Variants in EPB41L3 observed in about 807,000 individuals in gnomAD.
EPB41L3 encodes band 4.1-like protein 3.
A neutral mutation model predicts 127.1 loss-of-function variants in EPB41L3; 57 were observed. The observed-to-expected ratio is 0.45, with a 90% CI of 0.36 to 0.56. EPB41L3 has a LOEUF of 0.56. EPB41L3 is among the 20% of genes least tolerant of loss of function. The pLI is 0.00. For missense variants in EPB41L3, 1,273 were observed against 1,372.2 expected (o/e 0.93, Z 1.14); for synonymous variants, 572 against 549.5 (o/e 1.04, Z -0.57).
In EPB41L3 at chr18:5,543,883, G is replaced by A; in HGVS notation, c.-12+30C>T. The A allele has an allele frequency of 1.0e-6, 1 of 985,588 alleles. No individual in the cohort carries two copies. Among genetic ancestry groups the A allele is most frequent in the Non-Finnish European group, 1.2e-6 (1 of 830,044 alleles). The allele number at this position is 985,588 out of a possible 1,614,324, so 61.1% of individuals were successfully genotyped here. A position where few individuals can be genotyped will look rare whatever the true frequency, so the allele number is the denominator to read the frequency against. ...CTCGTAAAGCCGAGACCCCCTCGCA[G>A]TCCCCCACTCCGAGAGGCGGAAAAG... is the stretch of plus-strand genomic sequence containing the variant. On this transcript the variant is annotated intron_variant, in intron 1 of 22. Coordinates refer to ENST00000341928, the MANE Select transcript of EPB41L3 (RefSeq NM_012307.5). This position sits in a 1 kb window ranked among gnomAD's most constrained non-coding sequence, Gnocchi z 5.2.
chr18:5,393,441 G>T lies in EPB41L3; in HGVS notation c.*44C>A. On this transcript the variant is annotated 3_prime_UTR_variant, in exon 23 of 23. Coordinates refer to ENST00000341928, the MANE Select transcript of EPB41L3 (RefSeq NM_012307.5). Reference sequence around the variant, plus strand: ...CATATAGGCTCTGGTTTTCCTAACGGTTTGCATGACTGCATTCATGTGCAA... The same window carrying T: ...CATATAGGCTCTGGTTTTCCTAACGTTTTGCATGACTGCATTCATGTGCAA... 1.4e-6 allele frequency: 1 copy of T among 700,048 alleles called. No homozygotes were observed. 43.4% of individuals were successfully genotyped at this position (700,048 alleles called of 1,614,324 possible).
intron 11 of EPB41L3, among the ~76,000 whole-genome samples, chr18:5,422,956 T>G (rs2077662633): frequency 6.6e-6 from 1 of 152,188 alleles, no homozygotes; most frequent in Non-Finnish European, 1.5e-5. Context: ...ACTTTATTCA[T>G]AAAGATTTTT....
chr18:5,477,224 A>G (rs1346457560), intron 3 of EPB41L3, among the ~76,000 whole-genome samples: 1 of 152,130 alleles, frequency 6.6e-6, no homozygotes, highest in African/African-American at 2.4e-5. Flanking sequence ...GGAACATGGG[A>G]AATAGGTGGG....
intron 1 of EPB41L3, among the ~76,000 whole-genome samples, chr18:5,524,747 G>A (rs1292971692): frequency 6.6e-6 from 1 of 152,158 alleles, no homozygotes; most frequent in East Asian, 1.9e-4. Context: ...TCCATCCATG[G>A]GGAATGTTTC....
In EPB41L3 at chr18:5,584,211, C is replaced by G. The variant is rs77333310; in HGVS notation, c.-306+28129G>C. Among the ~76,000 whole-genome samples the G allele has an allele frequency of 3.6e-3, 544 of 152,324 alleles. 2 individuals are homozygous for G. Among genetic ancestry groups the G allele is most frequent in the African/African-American group, 0.012 (514 of 41,564 alleles). On this transcript the variant is annotated intron_variant, in intron 3 of 21. Transcript: ENST00000545076. The stretch of plus-strand genomic sequence containing the variant: ...ACTGGATATAAGAGCACAGCCAAGA[C>G]AGCCAATAGCTGGGTCCTTTACCTC...
Position 5,393,475 on chromosome 18 carries a change from A to G in EPB41L3, c.*10T>C. Reference sequence around the variant, plus strand: ...ACTGCATTCATGTGCAAGCTAAGTTATTCCTGCAAAAAAGACATTTGATTA... The same window carrying G: ...ACTGCATTCATGTGCAAGCTAAGTTGTTCCTGCAAAAAAGACATTTGATTA... On this transcript the variant is annotated 3_prime_UTR_variant, in exon 23 of 23. Transcript: ENST00000341928. 1.4e-6 allele frequency: 1 copy of G among 701,754 alleles called. No homozygotes were observed. Among genetic ancestry groups the G allele is most frequent in the East Asian group, 2.7e-5 (1 of 37,180 alleles). 43.5% of individuals were successfully genotyped at this position (701,754 alleles called of 1,614,324 possible).
At chr18:5,499,393 G>C (rs369276125) in intron 1 of EPB41L3, among the ~76,000 whole-genome samples, 1 of 152,126 alleles carries the variant, frequency 6.6e-6, no homozygotes, top group African/African-American at 2.4e-5. Context: ...ACCTACAGTT[G>C]CATGTTGCCA....
intron 1 of EPB41L3, among the ~76,000 whole-genome samples, chr18:5,541,728 ATCGCATTCATGCAGAAGAAATG>A (rs980048471): frequency 6.6e-6 from 1 of 152,250 alleles, no homozygotes; most frequent in African/African-American, 2.4e-5. Context: ...TTTAACCTAA[ATCGCATTCATGCAGAAGAAATG>A]TCTTAAAAAT....
intron 9 of EPB41L3, among the ~76,000 whole-genome samples, chr18:5,426,157 C>T (rs2078149236): frequency 6.6e-6 from 1 of 152,122 alleles, no homozygotes; most frequent in Non-Finnish European, 1.5e-5. Flanking sequence ...ACTTGCCTTG[C>T]TCTTTGAGTA....
chr18:5,399,443 TAAG>T (rs778547490), intron 16 of EPB41L3: 24 of 397,982 alleles, frequency 6.0e-5, no homozygotes, highest in Non-Finnish European at 8.8e-5. Context: ...ATTTCTAAAA[TAAG>T]AATCCTTTAA....
At chr18:5,451,597 C>CT (rs2082285794) in intron 3 of EPB41L3, among the ~76,000 whole-genome samples, 1 of 152,230 alleles carries the variant, frequency 6.6e-6, no homozygotes, top group Non-Finnish European at 1.5e-5. Context: ...ATTGGGCCTC[C>CT]TGCATGTCAT....
chr18:5,611,080 C>T (rs2094720046), intron 3 of EPB41L3, among the ~76,000 whole-genome samples: 1 of 152,194 alleles, frequency 6.6e-6, no homozygotes, highest in Admixed American at 6.5e-5. Context: ...TCCTCAGGTC[C>T]ACTCAGGCCT....
chr18:5,546,185 T>G (rs2093878535), upstream of EPB41L3, among the ~76,000 whole-genome samples: 1 of 152,232 alleles, frequency 6.6e-6, no homozygotes, highest in African/African-American at 2.4e-5. Flanking sequence ...AGTGTCTGAA[T>G]GGCAATTTTC....
chr18:5,555,840 C>T (rs560815259), intron 3 of EPB41L3, among the ~76,000 whole-genome samples: 10 of 152,312 alleles, frequency 6.6e-5, no homozygotes, highest in African/African-American at 1.7e-4. Context: ...AATGCAGCCT[C>T]GATGCTGTAA....
chr18:5,420,089 G>C (rs915788381), intron 11 of EPB41L3: 2 of 954,044 alleles, frequency 2.1e-6, no homozygotes, highest in Non-Finnish European at 3.0e-6. Context: ...ACCTTCATGA[G>C]AGCATGACCT....
upstream of EPB41L3, among the ~76,000 whole-genome samples, chr18:5,546,464 A>AG (rs1301767799): frequency 6.6e-6 from 1 of 151,614 alleles, no homozygotes; most frequent in Non-Finnish European, 1.5e-5. Context: ...TGAGAGGTAG[A>AG]GGTTGCAGTG....
intron 3 of EPB41L3, among the ~76,000 whole-genome samples, chr18:5,477,672 A>G (rs1330119509): frequency 6.6e-6 from 1 of 152,220 alleles, no homozygotes; most frequent in Non-Finnish European, 1.5e-5. Flanking sequence ...GACAAAAGGC[A>G]TTCAACCGCC....
At chr18:5,466,847 C>T (rs2085086895) in intron 3 of EPB41L3, among the ~76,000 whole-genome samples, 2 of 152,230 alleles carry the variant, frequency 1.3e-5, no homozygotes, top group Admixed American at 1.3e-4. Flanking sequence ...CAGCAGCCTG[C>T]TTCCTAAACT....
At chr18:5,574,717 G>A (rs2094320260) in intron 3 of EPB41L3, among the ~76,000 whole-genome samples, 2 of 152,064 alleles carry the variant, frequency 1.3e-5, no homozygotes, top group Non-Finnish European at 1.5e-5. Context: ...AACATATCAC[G>A]TGTCATCACA....
Sources: allele counts gnomAD v4.1 joint callset (sites outside exome capture counted in the v4.1 genomes callset), GRCh38; gene constraint gnomAD v4.1.1; non-coding constraint Gnocchi (gnomAD v3.1); transcripts MANE v1.5; gene names NCBI Gene and HGNC (gene_info 2026-07-23, HGNC 2026-07-21).